The following ARHGAP20 variants were observed in gnomAD, a reference collection of about 807,000 sequenced individuals.
The protein encoded by ARHGAP20 is Rho GTPase activating protein 20.
In ARHGAP20, 34 loss-of-function variants were observed where a neutral mutation model predicts 73.7. The observed-to-expected ratio is 0.46, with a 90% CI of 0.35 to 0.61. ARHGAP20 has a LOEUF of 0.61. Among genes scored for constraint, ARHGAP20 ranks in the 20% least tolerant of loss-of-function variants. The pLI is 0.00. For missense variants in ARHGAP20, 1,314 were observed against 1,420.9 expected (o/e 0.92, Z 1.21); for synonymous variants, 523 against 518.2 (o/e 1.01, Z -0.13).
intron 6 of ARHGAP20, among the ~76,000 whole-genome samples, chr11:110,613,423 T>C (rs767827254): frequency 2.0e-5 from 3 of 152,154 alleles, no homozygotes; most frequent in Admixed American, 6.5e-5. Context: ...ACAGAGTACG[T>C]CACATCATCC....
intron 2 of ARHGAP20, among the ~76,000 whole-genome samples, chr11:110,648,484 A>C (rs991790661): frequency 4.6e-5 from 6 of 131,476 alleles, no homozygotes; most frequent in Non-Finnish European, 6.4e-5. Flanking sequence ...CATAACATGA[A>C]TTTTTTTTTT....
At chr11:110,688,312 T>C (rs1046225392) in intron 2 of ARHGAP20, among the ~76,000 whole-genome samples, 2 of 150,116 alleles carry the variant, frequency 1.3e-5, no homozygotes, top group Non-Finnish European at 3.0e-5. Flanking sequence ...CTGGTCTGCA[T>C]GAACTTTCAG....
intron 1 of ARHGAP20, among the ~76,000 whole-genome samples, chr11:110,703,514 G>T (rs1293609223): frequency 6.6e-6 from 1 of 151,660 alleles, no homozygotes; most frequent in East Asian, 1.9e-4. Context: ...CATATATATG[G>T]ATTCATTCAT....
chr11:110,608,550 T>C (rs1948287857), intron 8 of ARHGAP20, among the ~76,000 whole-genome samples: 1 of 152,132 alleles, frequency 6.6e-6, no homozygotes, highest in Non-Finnish European at 1.5e-5. Context: ...AGGTATTACA[T>C]ACTCACTGAT....
chr11:110,648,187 AT>A (rs1949247896), intron 2 of ARHGAP20, among the ~76,000 whole-genome samples: 3 of 91,374 alleles, frequency 3.3e-5, no homozygotes, highest in Non-Finnish European at 6.5e-5. Flanking sequence ...ATATATATAT[AT>A]GTAAATATAT....
At position 110,586,238 on chromosome 11, in the gene ARHGAP20, C is replaced by G. The variant is rs774905427; in HGVS notation, c.1393G>C (p.Glu465Gln). The G allele has an allele frequency of 7.2e-5, 111 of 1,542,824 alleles. No homozygotes were observed. Among genetic ancestry groups the G allele is most frequent in the Non-Finnish European group, 9.5e-5 (109 of 1,142,230 alleles). The change falls in exon 12 of 15, where the codon GAG becomes CAG. Residue 465 changes from glutamate (E) to glutamine (Q), a missense_variant. Glu to Gln is a conservative substitution (Grantham distance 29). This residue lies in a region of ARHGAP20 where 230 missense variants were observed against 317.6 expected (regional missense o/e 0.72). Transcript: ENST00000683387. ...TACCTTTGAACAGTATTTATTTTCT[C>G]TTCATCATTTCCTTGATCCATTACA... ...VSVMDQGNDEEKINTVQRLLD... is the reference protein window; with the variant it reads ...VSVMDQGNDEQKINTVQRLLD...
chr11:110,656,746 C>T (rs1294932712), intron 2 of ARHGAP20, among the ~76,000 whole-genome samples: 1 of 152,206 alleles, frequency 6.6e-6, no homozygotes, highest in Non-Finnish European at 1.5e-5. Flanking sequence ...GGGCTCTCTT[C>T]CATCTCCTGA....
At position 110,579,139 on chromosome 11, in the gene ARHGAP20, C is replaced by G. The variant is rs3741338; in HGVS notation, c.*231G>C. The G allele has an allele frequency of 3.2e-5, 38 of 1,183,716 alleles. No individual in the cohort carries two copies. The highest frequency in any genetic ancestry group is 3.7e-5 in the Non-Finnish European group (35 of 950,912). The allele number at this position is 1,183,716 out of a possible 1,614,324, so 73.3% of individuals were successfully genotyped here. A position where few individuals can be genotyped will look rare whatever the true frequency, so the allele number is the denominator to read the frequency against. On this transcript the variant is annotated 3_prime_UTR_variant, in exon 15 of 15. Coordinates refer to ENST00000683387, the MANE Select transcript of ARHGAP20 (RefSeq NM_001384657.1). ...TCTAAAACCACATGACAGGACCAAT[C>G]CCAACCTTTAATAAGAAAAAGCCTC...
intron 2 of ARHGAP20, among the ~76,000 whole-genome samples, chr11:110,657,821 G>A (rs572755531): frequency 1.3e-5 from 2 of 151,988 alleles, no homozygotes; most frequent in South Asian, 4.2e-4. Context: ...CTTGAACCCA[G>A]GAAGCGGAGG....
intron 9 of ARHGAP20, 56 bp downstream of exon 9, chr11:110,606,505 T>G: frequency 6.5e-7 from 1 of 1,546,690 alleles, no homozygotes; most frequent in Admixed American, 2.0e-5. Context: ...TTTGAGTCTT[T>G]GCCTTTGTAC....
intron 2 of ARHGAP20, among the ~76,000 whole-genome samples, chr11:110,646,592 T>C (rs1949198982): frequency 6.6e-6 from 1 of 152,156 alleles, no homozygotes; most frequent in Non-Finnish European, 1.5e-5. Flanking sequence ...GAATGCTAAA[T>C]AAAAAGTTGA....
intron 1 of ARHGAP20, among the ~76,000 whole-genome samples, chr11:110,700,020 T>G (rs1304525886): frequency 6.6e-6 from 1 of 152,068 alleles, no homozygotes; most frequent in Non-Finnish European, 1.5e-5. Flanking sequence ...TAAAAACCTG[T>G]ATGTAGGCTC....
intron 1 of ARHGAP20, among the ~76,000 whole-genome samples, chr11:110,709,641 A>T (rs1385035446): frequency 3.3e-5 from 5 of 152,206 alleles, no homozygotes; most frequent in Non-Finnish European, 7.3e-5. Context: ...GAGAAACACC[A>T]TCAAGGCCTC....
chr11:110,619,792 T>C (rs992835340), intron 4 of ARHGAP20, among the ~76,000 whole-genome samples: 1 of 150,808 alleles, frequency 6.6e-6, no homozygotes, highest in Non-Finnish European at 1.5e-5. Flanking sequence ...AGTGCATATG[T>C]AGTGATAGAG....
At chr11:110,696,586 T>C (rs997190236) in intron 1 of ARHGAP20, among the ~76,000 whole-genome samples, 2 of 150,608 alleles carry the variant, frequency 1.3e-5, no homozygotes, top group African/African-American at 4.9e-5. Context: ...TCTAGATTCA[T>C]GTGCATGTGC....
At chr11:110,627,177 C>A (rs1192237863) in intron 3 of ARHGAP20, among the ~76,000 whole-genome samples, 3 of 152,118 alleles carry the variant, frequency 2.0e-5, no homozygotes, top group African/African-American at 7.2e-5. Context: ...CAACCACCAC[C>A]CCTCAGGTTC....
At chr11:110,690,345 A>G (rs1211982694) in intron 2 of ARHGAP20, among the ~76,000 whole-genome samples, 2 of 152,210 alleles carry the variant, frequency 1.3e-5, no homozygotes, top group Non-Finnish European at 2.9e-5. Context: ...CTTTTGAATC[A>G]GTTTTAAAGC....
chr11:110,631,948 G>A (rs375455507), intron 2 of ARHGAP20, among the ~76,000 whole-genome samples: 24 of 152,244 alleles, frequency 1.6e-4, no homozygotes, highest in South Asian at 1.0e-3. Context: ...TTGAACCACA[G>A]TATCTGTTCT....
At chr11:110,655,073 T>C (rs765573164) in intron 2 of ARHGAP20, among the ~76,000 whole-genome samples, 1 of 152,188 alleles carries the variant, frequency 6.6e-6, no homozygotes, top group Non-Finnish European at 1.5e-5. Context: ...CTAGACTATA[T>C]TCTTCTTTAT....
Sources: gnomAD v4.1 joint callset for allele counts (sites outside exome capture counted in the v4.1 genomes callset) on GRCh38, gnomAD v4.1.1 for gene constraint, gnomAD v4.1.1 regional missense constraint, MANE v1.5 for transcripts, NCBI Gene and HGNC (gene_info 2026-07-23, HGNC 2026-07-21) for gene names.